The following PRPSAP1 variants were observed in gnomAD, a reference collection of about 807,000 sequenced individuals.
PRPSAP1 encodes phosphoribosyl pyrophosphate synthetase associated protein 1, also known as phosphoribosyl pyrophosphate synthase-associated protein 1.
Under a neutral mutation model 39.4 loss-of-function variants are expected in PRPSAP1, and 31 were observed. The ratio of observed to expected loss-of-function variants is 0.79; its 90% CI spans 0.59 to 1.06. The LOEUF is 1.06. Among genes scored for constraint, PRPSAP1 ranks in the 50% least tolerant of loss-of-function variants. The pLI, the probability that PRPSAP1 is intolerant of heterozygous loss-of-function variation, is 0.00. For synonymous variants in PRPSAP1, 212 were observed against 192.6 expected (o/e 1.10, Z -0.83); for missense variants, 430 against 511.6 (o/e 0.84, Z 1.54).
chr17:76,332,195 G>A, intron 4 of PRPSAP1, 68 bp downstream of exon 4: 1 of 1,550,716 alleles, frequency 6.4e-7, no homozygotes, highest in Non-Finnish European at 8.8e-7. Flanking sequence ...TGAGGTATGA[G>A]CTAAGTCCAA....
intron 3 of PRPSAP1, 71 bp from the exon 4 acceptor site, chr17:76,332,506 C>A: frequency 6.4e-7 from 1 of 1,555,838 alleles, no homozygotes; most frequent in Non-Finnish European, 8.8e-7. Flanking sequence ...TTGACTTTAT[C>A]AACTTAACAT....
chr17:76,319,978 A>C (rs183529718), intron 7 of PRPSAP1, among the ~76,000 whole-genome samples: 42 of 152,114 alleles, frequency 2.8e-4, no homozygotes, highest in Admixed American at 2.8e-3. Context: ...TGAGCATTAA[A>C]ATAAATGTAG....
At position 76,330,621 on chromosome 17, in the gene PRPSAP1, T is replaced by C; in HGVS notation, c.509A>G (p.Gln170Arg). The C allele has an allele frequency of 1.2e-6, 2 of 1,613,318 alleles. No individual in the cohort carries two copies. Among genetic ancestry groups the C allele is most frequent in the Non-Finnish European group, 1.7e-6 (2 of 1,179,496 alleles). ...GTCCACAGGAAAGCTGAAAAAGCCT[T>C]GTATTTCCTTTTGATGAAGATCCAT... The part of the protein sequence containing the change: ...ITMDLHQKEI[Q>R]GFFSFPVDNL... The change falls in exon 5 of 10, where the codon CAA (glutamine) becomes CGA (arginine). Residue 170 changes from glutamine to arginine, a missense_variant. By Grantham distance (43) the Gln-to-Arg change is conservative (BLOSUM62 1). Coordinates refer to ENST00000446526, the MANE Select transcript of PRPSAP1 (RefSeq NM_002766.3).
chr17:76,328,201 A>G (rs1009458179), intron 7 of PRPSAP1, among the ~76,000 whole-genome samples: 76 of 152,006 alleles, frequency 5.0e-4, no homozygotes, highest in Non-Finnish European at 1.8e-4. Context: ...AAAAAAAAAA[A>G]AAGGCGGAGG....
chr17:76,330,756 T>C (rs2071312842), intron 4 of PRPSAP1, 90 bp from the exon 5 acceptor site: 3 of 731,002 alleles, frequency 4.1e-6, no homozygotes. Context: ...TCCTGCTTCC[T>C]ACCAGCAGAC....
At chr17:76,338,740 A>C (rs1481435244) in intron 3 of PRPSAP1, among the ~76,000 whole-genome samples, 1 of 151,598 alleles carries the variant, frequency 6.6e-6, no homozygotes, top group Admixed American at 6.6e-5. Flanking sequence ...TATAAAATAA[A>C]ATAAAAAATT....
At chr17:76,319,536 T>G (rs2071163756) in intron 7 of PRPSAP1, 1 of 152,236 alleles carries the variant, frequency 6.6e-6, no homozygotes, top group African/African-American at 2.4e-5. Flanking sequence ...TGGCACCATC[T>G]TGGCTCACTG....
intron 7 of PRPSAP1, among the ~76,000 whole-genome samples, chr17:76,322,676 AC>A (rs2071210701): frequency 6.6e-6 from 1 of 152,158 alleles, no homozygotes; most frequent in African/African-American, 2.4e-5. Flanking sequence ...CCCTGTCTCT[AC>A]TAAAAATTTC....
chr17:76,348,440 T>G, intron 2 of PRPSAP1, 89 bp downstream of exon 2: 1 of 821,220 alleles, frequency 1.2e-6, no homozygotes, highest in Non-Finnish European at 1.7e-6. Context: ...GCCACTGCAC[T>G]CCAGCCTGGG....
chr17:76,351,034 A>AAAAC (rs1006105283), intron 1 of PRPSAP1, among the ~76,000 whole-genome samples: 7 of 152,082 alleles, frequency 4.6e-5, no homozygotes, highest in East Asian at 1.9e-4. Flanking sequence ...CTTCGTCTCA[A>AAAAC]AAACAAACAA....
In PRPSAP1 at chr17:76,353,753, T is replaced by G. The variant is rs372518573; in HGVS notation, c.-50A>C. ...ACCGGCCCCGCGCGGGGCTGCACTC[T>G]GAGTGCTTCCGACTGCGAGACCCCG... On this transcript the variant is annotated 5_prime_UTR_variant, in exon 1 of 10. Coordinates refer to ENST00000446526, the MANE Select transcript of PRPSAP1 (RefSeq NM_002766.3). 0.011 allele frequency: 15,018 copies of G among 1,401,976 alleles called. 107 individuals carry two copies. The highest frequency in any genetic ancestry group is 0.014 in the East Asian group (470 of 33,874). The allele number at this position is 1,401,976 out of a possible 1,614,324, so 86.8% of individuals were successfully genotyped here. A position where few individuals can be genotyped will look rare whatever the true frequency, so the allele number is the denominator to read the frequency against.
In PRPSAP1 at chr17:76,353,874, G is replaced by A. The variant is rs1305888521; in HGVS notation, c.-171C>T. ...CCCCACACCACTGACTACAGCGGCC[G>A]AGCCTTCGCAGCGCCCGGCGCCGCC... On this transcript the variant is annotated 5_prime_UTR_variant, in exon 1 of 10. Transcript: ENST00000446526. 2 of 1,328,890 alleles carry A rather than the reference G, an allele frequency of 1.5e-6. No homozygotes were observed. The highest frequency in any genetic ancestry group is 1.9e-6 in the Non-Finnish European group (2 of 1,044,774). The allele number at this position is 1,328,890 out of a possible 1,614,324, so 82.3% of individuals were successfully genotyped here. A position where few individuals can be genotyped will look rare whatever the true frequency, so the allele number is the denominator to read the frequency against.
In PRPSAP1 at chr17:76,353,869, C is replaced by A. The variant is rs2071612778; in HGVS notation, c.-166G>T. Reference sequence around the variant, plus strand: ...GCGCACCCCACACCACTGACTACAGCGGCCGAGCCTTCGCAGCGCCCGGCG... The same window carrying A: ...GCGCACCCCACACCACTGACTACAGAGGCCGAGCCTTCGCAGCGCCCGGCG... On this transcript the variant is annotated 5_prime_UTR_variant, in exon 1 of 10. Transcript: ENST00000446526. The A allele has an allele frequency of 1.5e-6, 2 of 1,330,506 alleles. No homozygotes were observed. The highest frequency in any genetic ancestry group is 1.5e-5 in the African/African-American group (1 of 64,650). The allele number at this position is 1,330,506 out of a possible 1,614,324, so 82.4% of individuals were successfully genotyped here.
intron 3 of PRPSAP1, among the ~76,000 whole-genome samples, chr17:76,333,982 G>A (rs1381948126): frequency 1.3e-5 from 2 of 152,144 alleles, no homozygotes; most frequent in African/African-American, 2.4e-5. Context: ...TCGAACTCCC[G>A]GGCTCAAGTG....
At chr17:76,316,583 G>A (rs1477808065) in intron 7 of PRPSAP1, among the ~76,000 whole-genome samples, 2 of 152,148 alleles carry the variant, frequency 1.3e-5, no homozygotes, top group Non-Finnish European at 2.9e-5. Context: ...AAAAATTCCA[G>A]TTTTCATACA....
At position 76,320,351 on chromosome 17, in the gene PRPSAP1, G is replaced by GAAA. The variant is rs1428436006; in HGVS notation, c.782-6461_782-6460insTTT. On this transcript the variant is annotated intron_variant, in intron 7 of 9. Coordinates refer to ENST00000446526, the MANE Select transcript of PRPSAP1 (RefSeq NM_002766.3). ...AGGGAGGGAGGGAGGGAGGAAGGAAGGAAGAAAAAGGAAGAAAGGCAGGCA... is the reference window on the plus strand; with the variant it reads ...AGGGAGGGAGGGAGGGAGGAAGGAAGAAAGAAGAAAAAGGAAGAAAGGCAGGCA... Among the ~76,000 whole-genome samples the GAAA allele has an allele frequency of 7.6e-5, 10 of 131,230 alleles. No individual in the cohort carries two copies. In the East Asian group the frequency reaches 1.7e-3, roughly 22 times the overall value. The allele number at this position is 131,230 out of a possible 152,430, so 86.1% of individuals were successfully genotyped here. A position where few individuals can be genotyped will look rare whatever the true frequency, so the allele number is the denominator to read the frequency against.
At chr17:76,330,482 C>T in intron 5 of PRPSAP1, 69 bp downstream of exon 5, 1 of 1,225,456 alleles carries the variant, frequency 8.2e-7, no homozygotes, top group South Asian at 1.4e-5. Context: ...GTAACGAAAT[C>T]TGATACCAGA....
At chr17:76,336,755 A>AG (rs1211221501) in intron 3 of PRPSAP1, among the ~76,000 whole-genome samples, 1 of 150,844 alleles carries the variant, frequency 6.6e-6, no homozygotes, top group East Asian at 1.9e-4. Flanking sequence ...AAAAAAAAAA[A>AG]AAGAGCAATT....
In PRPSAP1 at chr17:76,330,657, T is replaced by A; in HGVS notation, c.473A>T (p.His158Leu). The change falls in exon 5 of 10, where the codon CAC (histidine) becomes CTC (leucine). Residue 158 changes from histidine to leucine, a missense_variant. This residue lies in a region of PRPSAP1 where 278 missense variants were observed against 376.3 expected (regional missense o/e 0.74). Transcript: ENST00000446526. ...ASMLAKAGLT[H>L]IITMDLHQKE... ...TTGATGAAGATCCATAGTGATAATG[T>A]GAGTTAAACCTGAAATTTTAAAACA... 1 of 1,605,988 alleles carries A rather than the reference T, an allele frequency of 6.2e-7. No homozygotes were observed. Among genetic ancestry groups the A allele is most frequent in the South Asian group, 1.1e-5 (1 of 90,090 alleles).
Sources: gnomAD v4.1 joint callset for allele counts (sites outside exome capture counted in the v4.1 genomes callset) on GRCh38, gnomAD v4.1.1 for gene constraint, gnomAD v4.1.1 regional missense constraint, MANE v1.5 for transcripts, NCBI Gene and HGNC (gene_info 2026-07-23, HGNC 2026-07-21) for gene names.